The following ANAPC1 variants were observed in gnomAD, a reference collection of about 807,000 sequenced individuals.
ANAPC1 encodes the protein anaphase-promoting complex subunit 1.
ANAPC1 carries 36 observed loss-of-function variants against 208.0 expected under a neutral mutation model. The observed-to-expected ratio is 0.17, with a 90% CI of 0.13 to 0.23. The LOEUF is 0.23. ANAPC1 is among the 10% of genes least tolerant of loss of function. The pLI is 1.00. For synonymous variants in ANAPC1, 378 were observed against 695.2 expected (o/e 0.54, Z 7.18); for missense variants, 942 against 2,011.6 (o/e 0.47, Z 10.17).
chr2:111,864,550 C>T lies in ANAPC1; in HGVS notation c.831+256G>A, dbSNP rs181633196. On this transcript the variant is annotated intron_variant, in intron 8 of 47. Transcript: ENST00000341068. ...CATGATCTTGGCTCACGGCAACCTACACCTCCCAGGTTCAAGTGATTCTCC... is the reference window on the plus strand; with the variant it reads ...CATGATCTTGGCTCACGGCAACCTATACCTCCCAGGTTCAAGTGATTCTCC... Among the ~76,000 whole-genome samples, 360 of 143,324 alleles carry T rather than the reference C, an allele frequency of 2.5e-3. 3 individuals are homozygous for T. Among genetic ancestry groups the T allele is most frequent in the Non-Finnish European group, 3.0e-3 (203 of 66,686 alleles). The allele number at this position is 143,324 out of a possible 152,430, so 94.0% of individuals were successfully genotyped here. A position where few individuals can be genotyped will look rare whatever the true frequency, so the allele number is the denominator to read the frequency against.
chr2:111,876,031 T>C (rs891446354), intron 3 of ANAPC1, among the ~76,000 whole-genome samples: 1 of 152,096 alleles, frequency 6.6e-6, no homozygotes, highest in Non-Finnish European at 1.5e-5. Context: ...TATGAGTCCT[T>C]CAATGGCAGA....
chr2:111,839,303 G>A (rs1028113631), intron 17 of ANAPC1, among the ~76,000 whole-genome samples: 5 of 152,212 alleles, frequency 3.3e-5, no homozygotes, highest in African/African-American at 1.2e-4. Flanking sequence ...TTGAGCCATT[G>A]TATCTTTTGA....
Position 111,850,791 on chromosome 2 carries a change from A to C in ANAPC1, c.1635T>G (p.Leu545=). The change falls in exon 14 of 48, where the codon CTT becomes CTG. Residue 545 remains leucine (L), a synonymous_variant. Transcript: ENST00000341068. ...VSTPKPLSKL[L]GSLDEVVLLS... ...CTTTTCTTACCTCGTCCAATGATCC[A>C]AGGAGTTTACTAAGAGGCTTTGGAG... 2 of 1,611,918 alleles carry C rather than the reference A, an allele frequency of 1.2e-6. No individual in the cohort carries two copies. The highest frequency in any genetic ancestry group is 1.7e-6 in the Non-Finnish European group (2 of 1,179,846).
intron 21 of ANAPC1, among the ~76,000 whole-genome samples, chr2:111,830,675 A>G (rs1166450678): frequency 2.0e-5 from 3 of 152,222 alleles, no homozygotes; most frequent in African/African-American, 7.2e-5. Context: ...GAAAATGCAA[A>G]TTAAAACCAC....
intron 18 of ANAPC1, among the ~76,000 whole-genome samples, chr2:111,836,369 T>G (rs1680466205): frequency 1.3e-5 from 2 of 151,170 alleles, no homozygotes; most frequent in South Asian, 4.2e-4. Flanking sequence ...TAAAAGAAAT[T>G]AAAATTCACA....
intron 1 of ANAPC1, among the ~76,000 whole-genome samples, chr2:111,881,410 C>A (rs1473693736): frequency 3.9e-5 from 6 of 152,170 alleles, no homozygotes. Context: ...CCCAATCCCA[C>A]CTAAATATAT....
At chr2:111,833,407 C>T in intron 19 of ANAPC1, 96 bp from the exon 20 acceptor site, 1 of 1,365,862 alleles carries the variant, frequency 7.3e-7, no homozygotes, top group Non-Finnish European at 9.6e-7. Context: ...AATTTAAAAA[C>T]TTACATATGA....
At chr2:111,801,405 G>A (rs1464650757) in intron 33 of ANAPC1, among the ~76,000 whole-genome samples, 1 of 130,840 alleles carries the variant, frequency 7.6e-6, no homozygotes, top group Non-Finnish European at 1.6e-5. Context: ...CACCTTGCCT[G>A]CCAAACAACA....
chr2:111,802,396 C>T lies in ANAPC1; in HGVS notation c.4221+32G>A, dbSNP rs368649869. The stretch of plus-strand genomic sequence containing the variant: ...AAGTTTAAGAACCACAAATAGACTT[C>T]TCATGTTAACACAAATGAAGACAAA... On this transcript the variant is annotated intron_variant, in intron 33 of 47. Coordinates refer to ENST00000341068, the MANE Select transcript of ANAPC1 (RefSeq NM_022662.4). 274 of 748,598 alleles carry T rather than the reference C, an allele frequency of 3.7e-4. 1 individual carries two copies. The African/African-American group carries it at 4.0e-3, about 11-fold the overall frequency. The allele number at this position is 748,598 out of a possible 1,614,324, so 46.4% of individuals were successfully genotyped here.
intron 3 of ANAPC1, among the ~76,000 whole-genome samples, chr2:111,875,489 T>C (rs1415781792): frequency 6.6e-6 from 1 of 152,148 alleles, no homozygotes. Flanking sequence ...ACTAACCCCT[T>C]CCACATCTCC....
rs1678542674 is a variant in ANAPC1 at position 111,803,755 on chromosome 2, GA to G, written c.4008del (p.Gln1337LysfsTer22). 6.2e-7 allele frequency: 1 copy of G among 1,608,032 alleles called. No individual in the cohort carries two copies. The highest frequency in any genetic ancestry group is 1.3e-5 in the African/African-American group (1 of 74,556). ...YQYMVGGHRR[F>X]QTGMHREKHK... Reference sequence around the variant, plus strand: ...TGTTTCTCCCTATGCATTCCTGTTTGAAAGCGCCTATGTCCTCCAACCATGT... The same window carrying G: ...TGTTTCTCCCTATGCATTCCTGTTTGAAGCGCCTATGTCCTCCAACCATGT... On this transcript the variant is annotated frameshift_variant, in exon 31 of 48. Transcript: ENST00000341068. LOFTEE classifies it high-confidence loss of function.
In ANAPC1 at chr2:111,825,766, C is replaced by G; in HGVS notation, c.2704+11G>C. ...AAATTTGTTTCCAGAGGCAACATTG[C>G]ACCAACTTACCTATAGTTATTCTGG... On this transcript the variant is annotated intron_variant, in intron 22 of 47. Coordinates refer to ENST00000341068, the MANE Select transcript of ANAPC1 (RefSeq NM_022662.4). 2 of 1,606,946 alleles carry G rather than the reference C, an allele frequency of 1.2e-6. No homozygotes were observed. The highest frequency in any genetic ancestry group is 1.7e-6 in the Non-Finnish European group (2 of 1,177,738).
At position 111,847,182 on chromosome 2, in the gene ANAPC1, G is replaced by A; in HGVS notation, c.1808C>T (p.Ser603Phe). ...NRVTLELSNG[S>F]MVRITIPEIA... ...TTCAGGAATAGTGATCCTAACCATG[G>A]AGCCATTACTCAGTTCCTAGATGGA... The change falls in exon 16 of 48, where the codon TCC becomes TTC. Residue 603 changes from serine (S) to phenylalanine (F), a missense_variant. Physicochemically the swap from Ser to Phe is radical, Grantham distance 155. Coordinates refer to ENST00000341068, the MANE Select transcript of ANAPC1 (RefSeq NM_022662.4). 1 of 1,610,458 alleles carries A rather than the reference G, an allele frequency of 6.2e-7. No individual in the cohort carries two copies. Among genetic ancestry groups the A allele is most frequent in the Non-Finnish European group, 8.5e-7 (1 of 1,179,078 alleles).
Position 111,864,706 on chromosome 2 carries a change from G to T in ANAPC1, c.831+100C>A, listed in dbSNP as rs569730345. ...TGAACGTCCTGACCTCAAGTGATCC[G>T]CCTGCCTTGGCCTCCCAAAATGCTA... On this transcript the variant is annotated intron_variant, in intron 8 of 47. Transcript: ENST00000341068. 1.0e-4 allele frequency: 158 copies of T among 1,570,896 alleles called. 3 individuals are homozygous for T. The South Asian group carries it at 1.6e-3, about 16-fold the overall frequency.
intron 20 of ANAPC1, among the ~76,000 whole-genome samples, chr2:111,832,163 C>T (rs1477391047): frequency 6.6e-6 from 1 of 151,588 alleles, no homozygotes; most frequent in Non-Finnish European, 1.5e-5. Context: ...CGTGGTGGCA[C>T]ACACCTGTAA....
chr2:111,882,115 C>T (rs78514398), intron 1 of ANAPC1, among the ~76,000 whole-genome samples: 5 of 151,318 alleles, frequency 3.3e-5, no homozygotes, highest in East Asian at 3.9e-4. Context: ...ACCCAGGAGG[C>T]GGAGGTTGCA....
In ANAPC1 at chr2:111,850,845, C is replaced by T; in HGVS notation, c.1581G>A (p.Arg527=). ...PSLTMSNTMP[R]PSTPLDGVST... is the part of the protein sequence containing the mutation. The stretch of plus-strand genomic sequence containing the variant: ...TAACGCCATCTAGTGGAGTACTGGG[C>T]CGAGGCATTGTGTTGGACATCGTCA... The change falls in exon 14 of 48, where the codon CGG becomes CGA. Residue 527 remains arginine (R), a synonymous_variant. Transcript: ENST00000341068. The T allele has an allele frequency of 6.2e-7, 1 of 1,611,814 alleles. No individual in the cohort carries two copies. The highest frequency in any genetic ancestry group is 8.5e-7 in the Non-Finnish European group (1 of 1,179,844).
At position 111,864,791 on chromosome 2, in the gene ANAPC1, T is replaced by C; in HGVS notation, c.831+15A>G. ...CCTTTCCTATTAAGGAGAAGTGACT[T>C]GCCTTTCTCCTTACCTCTGATTTGA... On this transcript the variant is annotated intron_variant, in intron 8 of 47. Coordinates refer to ENST00000341068, the MANE Select transcript of ANAPC1 (RefSeq NM_022662.4). 1.2e-6 allele frequency: 2 copies of C among 1,610,486 alleles called. No individual in the cohort carries two copies. Among genetic ancestry groups the C allele is most frequent in the Non-Finnish European group, 1.7e-6 (2 of 1,179,042 alleles).
chr2:111,832,237 A>G (rs1680180324), intron 20 of ANAPC1, among the ~76,000 whole-genome samples: 1 of 147,348 alleles, frequency 6.8e-6, no homozygotes, highest in Non-Finnish European at 1.5e-5. Flanking sequence ...TGGAAGGCAG[A>G]GGATGCAGTG....
Sources: allele counts gnomAD v4.1 joint callset (sites outside exome capture counted in the v4.1 genomes callset), GRCh38; gene constraint gnomAD v4.1.1; transcripts MANE v1.5; gene names NCBI Gene and HGNC (gene_info 2026-07-23, HGNC 2026-07-21).